The following USP28 variants were observed in gnomAD, a reference collection of about 807,000 sequenced individuals.
USP28 encodes the protein ubiquitin carboxyl-terminal hydrolase 28.
In USP28, 113 loss-of-function variants were observed where a neutral mutation model predicts 145.0. That is an observed-to-expected ratio of 0.78 (90% CI 0.67 to 0.91). The LOEUF (loss-of-function observed/expected upper bound fraction) is 0.91, where lower values mean the gene tolerates loss of function less well. USP28 is among the 40% of genes least tolerant of loss of function. The pLI is 0.00. For missense variants in USP28, 1,201 were observed against 1,289.6 expected (o/e 0.93, Z 1.05); for synonymous variants, 447 against 450.9 (o/e 0.99, Z 0.11).
chr11:113,867,411 T>C (rs1367240347), intron 1 of USP28, among the ~76,000 whole-genome samples: 2 of 151,970 alleles, frequency 1.3e-5, no homozygotes, highest in Non-Finnish European at 2.9e-5. Context: ...GAATTACAGG[T>C]GCTCACCACC....
At chr11:113,873,064 G>C (rs1948994457) in intron 1 of USP28, among the ~76,000 whole-genome samples, 1 of 152,186 alleles carries the variant, frequency 6.6e-6, no homozygotes, top group African/African-American at 2.4e-5. Context: ...CTGAGTGTCA[G>C]GGAAGGATAG....
At chr11:113,847,267 T>C (rs1332365600) in intron 3 of USP28, among the ~76,000 whole-genome samples, 4 of 152,186 alleles carry the variant, frequency 2.6e-5, no homozygotes, top group East Asian at 1.9e-4. Context: ...AGAAGATATA[T>C]ACACAACACT....
At chr11:113,834,310 C>T (rs1463127764) in exon 6 of USP28, 10 of 1,607,886 alleles carry the variant, frequency 6.2e-6, no homozygotes, top group Non-Finnish European at 7.6e-6. Context: ...AACAAGTCTT[C>T]GAAATTCAGG....
exon 3 of USP28, chr11:113,852,570 T>C: frequency 6.2e-7 from 1 of 1,614,208 alleles, no homozygotes; most frequent in South Asian, 1.1e-5. Context: ...GTGTCTTGAC[T>C]GGGCTCCTTA....
intron 1 of USP28, chr11:113,874,449 A>AAAAATT: frequency 1.2e-6 from 1 of 856,402 alleles, no homozygotes; most frequent in Non-Finnish European, 1.6e-6. Context: ...AAAAAAAAAA[A>AAAAATT]GTGTCTCCAT....
chr11:113,806,668 G>A, intron 18 of USP28, 84 bp from the exon 20 acceptor site: 1 of 952,464 alleles, frequency 1.0e-6, no homozygotes. Flanking sequence ...GCTGAACAGA[G>A]TGCTAAAGGG....
At chr11:113,809,206 G>C in exon 17 of USP28, 3 of 1,614,226 alleles carry the variant, frequency 1.9e-6, no homozygotes, top group Non-Finnish European at 2.5e-6. Flanking sequence ...GAGTTCCACA[G>C]ATAGGGCTTC....
At position 113,829,256 on chromosome 11, in the gene USP28, TG is replaced by T; in HGVS notation, c.999del (p.Met334TrpfsTer15). 6.2e-7 allele frequency: 1 copy of T among 1,614,114 alleles called. No individual in the cohort carries two copies. Among genetic ancestry groups the T allele is most frequent in the Non-Finnish European group, 8.5e-7 (1 of 1,180,004 alleles). On this transcript the variant is annotated frameshift_variant, in exon 10 of 25. Transcript: ENST00000003302. LOFTEE classifies it high-confidence loss of function. Reference sequence around the variant, plus strand: ...AGAAGCTCAACATCACCCTCCACCATGGCCCCTTCCAAACACTCGTCTAAGT... The same window carrying T: ...AGAAGCTCAACATCACCCTCCACCATGCCCCTTCCAAACACTCGTCTAAGT...
rs12293559 is a variant in USP28 at position 113,850,909 on chromosome 11, G to T, written c.268+1592C>A. 1.9e-3 allele frequency among the ~76,000 whole-genome samples: 287 copies of T among 152,296 alleles called. 1 individual carries two copies. Among genetic ancestry groups the T allele is most frequent in the African/African-American group, 6.4e-3 (267 of 41,562 alleles). On this transcript the variant is annotated intron_variant, in intron 3 of 24. Coordinates refer to ENST00000003302, the Ensembl canonical transcript of USP28. ...TCTTTCTGACACTTCTGCCGTGAAT[G>T]TCTAACAGGCATTTCAAATTTAGTA...
chr11:113,872,757 G>A (rs1202932558), intron 1 of USP28, among the ~76,000 whole-genome samples: 4 of 152,214 alleles, frequency 2.6e-5, no homozygotes, highest in Admixed American at 1.3e-4. Context: ...CTGACTTCAA[G>A]TTGTTTCTCC....
At chr11:113,809,356 T>A in intron 16 of USP28, 102 bp from the exon 17 acceptor site, 3 of 1,099,524 alleles carry the variant, frequency 2.7e-6, no homozygotes, top group Non-Finnish European at 4.0e-6. Flanking sequence ...TACTCCTAAC[T>A]AAAAATACAT....
At chr11:113,843,501 C>T (rs987465604) in intron 3 of USP28, among the ~76,000 whole-genome samples, 16 of 151,514 alleles carry the variant, frequency 1.1e-4, no homozygotes, top group Admixed American at 2.6e-4. Context: ...GATAAACCCC[C>T]TCTCTACTTA....
chr11:113,827,543 TTC>T (rs1336016684), intron 10 of USP28, among the ~76,000 whole-genome samples, 183 bp from the exon 11 acceptor site: 1 of 152,228 alleles, frequency 6.6e-6, no homozygotes, highest in African/African-American at 2.4e-5. Context: ...TAGAATCTCA[TTC>T]TCTTACAGAA....
At chr11:113,821,792 T>C (rs1942639647) in intron 12 of USP28, 1 of 181,662 alleles carries the variant, frequency 5.5e-6, no homozygotes, top group South Asian at 1.2e-4. Context: ...AAAGTTGCCA[T>C]TTCTTAACAA....
chr11:113,805,647 G>A (rs776474831), intron 19 of USP28, among the ~76,000 whole-genome samples: 49 of 152,056 alleles, frequency 3.2e-4, no homozygotes, highest in Non-Finnish European at 6.3e-4. Flanking sequence ...ATCCTTGTGT[G>A]TCAATGACTT....
chr11:113,842,660 T>C (rs1945339217), intron 3 of USP28, among the ~76,000 whole-genome samples: 1 of 150,320 alleles, frequency 6.7e-6, no homozygotes, highest in Non-Finnish European at 1.5e-5. Context: ...AGCAGTAAAA[T>C]TCACTATCTT....
Position 113,874,861 on chromosome 11 carries a change from C to G in USP28, c.57+584G>C, listed in dbSNP as rs1012288123. The G allele has an allele frequency of 7.0e-6, 7 of 1,001,770 alleles. No individual in the cohort carries two copies. In the South Asian group the frequency reaches 2.4e-4, roughly 35 times the overall value. 62.1% of individuals were successfully genotyped at this position (1,001,770 alleles called of 1,614,324 possible). A position where few individuals can be genotyped will look rare whatever the true frequency, so the allele number is the denominator to read the frequency against. On this transcript the variant is annotated intron_variant, in intron 1 of 24. Coordinates refer to ENST00000003302, the Ensembl canonical transcript of USP28. Reference sequence around the variant, plus strand: ...TAGACTTTCTATTCATCACGCAGCTCCTCCCCCTCCTTAAAAATCTAGAGC... The same window carrying G: ...TAGACTTTCTATTCATCACGCAGCTGCTCCCCCTCCTTAAAAATCTAGAGC...
At chr11:113,805,167 G>C in intron 19 of USP28, 121 bp from the exon 21 acceptor site, 2 of 862,244 alleles carry the variant, frequency 2.3e-6, no homozygotes, top group Admixed American at 3.5e-5. Flanking sequence ...AATTCATATC[G>C]AATTACAAAA....
chr11:113,860,132 C>T (rs549712372), intron 1 of USP28, among the ~76,000 whole-genome samples: 2 of 152,268 alleles, frequency 1.3e-5, no homozygotes, highest in East Asian at 3.9e-4. Flanking sequence ...TAGGTTAAAA[C>T]TCTCTGATGA....
Sources: gnomAD v4.1 joint callset for allele counts (sites outside exome capture counted in the v4.1 genomes callset) on GRCh38, gnomAD v4.1.1 for gene constraint, MANE v1.5 for transcripts, NCBI Gene and HGNC (gene_info 2026-07-23, HGNC 2026-07-21) for gene names.